The following TASP1 variants were observed in gnomAD, a reference collection of about 807,000 sequenced individuals.
TASP1 encodes threonine aspartase 1.
In TASP1, 16 loss-of-function variants were observed where a neutral mutation model predicts 56.6. The ratio of observed to expected loss-of-function variants is 0.28; its 90% CI spans 0.19 to 0.43. The LOEUF is 0.43. Among genes scored for constraint, TASP1 ranks in the 20% least tolerant of loss-of-function variants. TASP1 has a pLI of 1.00. For missense variants in TASP1, 393 were observed against 511.6 expected, an observed-to-expected ratio of 0.77 and a Z score of 2.24; for synonymous variants, 179 against 184.2, an observed-to-expected ratio of 0.97 and a Z score of 0.23.
intron 10 of TASP1, among the ~76,000 whole-genome samples, chr20:13,522,434 CAGAG>C (rs1167115114): frequency 6.6e-6 from 1 of 151,976 alleles, no homozygotes; most frequent in African/African-American, 2.4e-5. Context: ...TAAATATATT[CAGAG>C]AGGAGAGTAA....
chr20:13,539,708 T>G (rs1160257144), intron 8 of TASP1, among the ~76,000 whole-genome samples: 6 of 152,188 alleles, frequency 3.9e-5, no homozygotes, highest in Admixed American at 3.9e-4. Context: ...GGAATTAAAT[T>G]CATACCATAA....
At chr20:13,631,502 G>C (rs1333879037) in intron 1 of TASP1, among the ~76,000 whole-genome samples, 1 of 152,118 alleles carries the variant, frequency 6.6e-6, no homozygotes, top group Non-Finnish European at 1.5e-5. Context: ...TGTATGACTT[G>C]ACAAAGTTGA....
the TASP1 span, among the ~76,000 whole-genome samples, chr20:13,234,422 C>T: frequency 3.9e-5 from 6 of 152,046 alleles, no homozygotes; most frequent in African/African-American, 7.2e-5. Context: ...CAGATGAGTG[C>T]GGGTATCTTT....
At chr20:13,254,939 G>A in the TASP1 span, among the ~76,000 whole-genome samples, 10 of 152,160 alleles carry the variant, frequency 6.6e-5, no homozygotes, top group South Asian at 2.1e-4. Flanking sequence ...AGAGCATTTA[G>A]TGAGGTCCTA....
At chr20:13,109,649 G>A in the TASP1 span, among the ~76,000 whole-genome samples, 1 of 152,174 alleles carries the variant, frequency 6.6e-6, no homozygotes, top group East Asian at 1.9e-4. Flanking sequence ...TCTAAGACTG[G>A]GGGATGTCAG....
the TASP1 span, among the ~76,000 whole-genome samples, chr20:13,212,936 C>T: frequency 1.3e-5 from 2 of 152,128 alleles, no homozygotes; most frequent in Non-Finnish European, 2.9e-5. Context: ...ATTGTGAAAT[C>T]CTCGCCACAA....
chr20:13,504,358 T>C (rs1249957903), intron 10 of TASP1, among the ~76,000 whole-genome samples: 1 of 151,988 alleles, frequency 6.6e-6, no homozygotes, highest in African/African-American at 2.4e-5. Context: ...CGAGAATATT[T>C]TACCTGGCAA....
At chr20:13,497,790 A>G (rs2043788321) in intron 10 of TASP1, among the ~76,000 whole-genome samples, 1 of 152,236 alleles carries the variant, frequency 6.6e-6, no homozygotes, top group Non-Finnish European at 1.5e-5. Context: ...AAACAGACAC[A>G]TAGACCAGTG....
chr20:13,151,093 T>C, the TASP1 span, among the ~76,000 whole-genome samples: 3 of 152,234 alleles, frequency 2.0e-5, no homozygotes, highest in Non-Finnish European at 4.4e-5. Context: ...CTATTGTTAC[T>C]GACTCACCTT....
chr20:13,511,206 T>G (rs1205665473), intron 10 of TASP1, among the ~76,000 whole-genome samples: 1 of 152,010 alleles, frequency 6.6e-6, no homozygotes, highest in Non-Finnish European at 1.5e-5. Context: ...AAGAAGATTT[T>G]TTTTTTAATT....
chr20:13,320,796 G>T, the TASP1 span, among the ~76,000 whole-genome samples: 1 of 152,152 alleles, frequency 6.6e-6, no homozygotes, highest in Non-Finnish European at 1.5e-5. Flanking sequence ...CAAAAAAAGA[G>T]GGAGTGGGAA....
At chr20:13,521,001 C>T (rs1467918508) in intron 10 of TASP1, among the ~76,000 whole-genome samples, 1 of 152,150 alleles carries the variant, frequency 6.6e-6, no homozygotes, top group Non-Finnish European at 1.5e-5. Context: ...GACATTTATG[C>T]AACCAAAAGA....
chr20:13,355,403 A>T, the TASP1 span, among the ~76,000 whole-genome samples: 3 of 152,136 alleles, frequency 2.0e-5, no homozygotes, highest in African/African-American at 7.2e-5. Context: ...CTGCAACACT[A>T]CCTCCAGATG....
chr20:13,296,561 G>T, the TASP1 span, among the ~76,000 whole-genome samples: 1 of 152,176 alleles, frequency 6.6e-6, no homozygotes, highest in East Asian at 1.9e-4. Context: ...AAAGTGAGAT[G>T]AAAGAGTGGC....
intron 8 of TASP1, among the ~76,000 whole-genome samples, chr20:13,553,718 C>T (rs1437289281): frequency 5.3e-5 from 8 of 152,062 alleles, no homozygotes; most frequent in Admixed American, 4.6e-4. Flanking sequence ...CTATTTAGCT[C>T]AATATTACTT....
chr20:13,533,662 C>A lies in TASP1; in HGVS notation c.795+360G>T, dbSNP rs117293595. On this transcript the variant is annotated intron_variant, in intron 9 of 13. Transcript: ENST00000337743. Reference sequence around the variant, plus strand: ...TAAAATCATTTCTCCAACTAAAAAGCAAGCAGTATAGTCAAGTAGAGCTTG... The same window carrying A: ...TAAAATCATTTCTCCAACTAAAAAGAAAGCAGTATAGTCAAGTAGAGCTTG... Among the ~76,000 whole-genome samples the A allele has an allele frequency of 3.7e-4, 56 of 152,110 alleles. No individual in the cohort carries two copies. The East Asian group carries it at 0.011, about 29-fold the overall frequency.
At position 13,614,165 on chromosome 20, in the gene TASP1, A is replaced by G. The variant is rs117887263; in HGVS notation, c.282+9281T>C. 3.7e-3 allele frequency among the ~76,000 whole-genome samples: 565 copies of G among 152,300 alleles called. 3 individuals carry two copies. The highest frequency in any genetic ancestry group is 0.012 in the East Asian group (61 of 5,182). On this transcript the variant is annotated intron_variant, in intron 4 of 13. Coordinates refer to ENST00000337743, the MANE Select transcript of TASP1 (RefSeq NM_017714.3). ...GAGCACTCTACTTTCAACATGTGTT[A>G]AAGTAATATTTTAGCTATCCTGGAT...
chr20:13,562,904 TAC>T (rs1472963693), intron 7 of TASP1, among the ~76,000 whole-genome samples: 2 of 122,878 alleles, frequency 1.6e-5, no homozygotes, highest in African/African-American at 7.0e-5. Flanking sequence ...TATCTCTATA[TAC>T]ATATATATAT....
chr20:13,508,228 C>T (rs982741465), intron 10 of TASP1, among the ~76,000 whole-genome samples: 1 of 150,392 alleles, frequency 6.6e-6, no homozygotes, highest in African/African-American at 2.4e-5. Flanking sequence ...GCACAGGCAA[C>T]AAAAGCAAAA....
Sources: allele counts gnomAD v4.1 joint callset (sites outside exome capture counted in the v4.1 genomes callset), GRCh38; gene constraint gnomAD v4.1.1; transcripts MANE v1.5; gene names NCBI Gene and HGNC (gene_info 2026-07-23, HGNC 2026-07-21).